SLC16A7: variants seen among roughly 807,000 people sequenced by gnomAD.
SLC16A7 encodes the protein monocarboxylate transporter 2.
Under a neutral mutation model 34.9 loss-of-function variants are expected in SLC16A7, and 33 were observed. The observed-to-expected ratio is 0.94, with a 90% CI of 0.72 to 1.26. The LOEUF (loss-of-function observed/expected upper bound fraction) is 1.26. Among genes scored for constraint, SLC16A7 ranks in the 50% most tolerant of loss-of-function variants. SLC16A7 has a pLI of 0.00. For synonymous variants in SLC16A7, 201 were observed against 206.6 expected, an observed-to-expected ratio of 0.97 and a Z score of 0.23; for missense variants, 573 against 578.1, an observed-to-expected ratio of 0.99 and a Z score of 0.09.
chr12:59,634,512 TG>T (rs370162096), intron 1 of SLC16A7, among the ~76,000 whole-genome samples: 79 of 151,982 alleles, frequency 5.2e-4, no homozygotes, highest in African/African-American at 1.8e-3. Flanking sequence ...GAGGAAACTT[TG>T]GGGATAAGGG....
chr12:59,649,440 G>C (rs1868303614), intron 1 of SLC16A7, among the ~76,000 whole-genome samples: 1 of 152,162 alleles, frequency 6.6e-6, no homozygotes, highest in Non-Finnish European at 1.5e-5. Context: ...CAGAGCTTTG[G>C]TTTAAAGGTG....
chr12:59,779,306 C>CTTAT, intron 5 of SLC16A7, 117 bp from the exon 6 acceptor site: 1 of 791,650 alleles, frequency 1.3e-6, no homozygotes, highest in Non-Finnish European at 1.9e-6. Context: ...TTTTTAAAGT[C>CTTAT]TTATTTGACA....
At chr12:59,728,402 T>C (rs999575689) in intron 3 of SLC16A7, among the ~76,000 whole-genome samples, 1 of 152,232 alleles carries the variant, frequency 6.6e-6, no homozygotes, top group Non-Finnish European at 1.5e-5. Context: ...AATTTGCAGA[T>C]AAATGATAAT....
intron 2 of SLC16A7, among the ~76,000 whole-genome samples, chr12:59,699,309 A>G (rs971111493): frequency 6.6e-6 from 1 of 151,712 alleles, no homozygotes; most frequent in Admixed American, 6.6e-5. Flanking sequence ...AAAATAAAAG[A>G]ACTGATATTT....
intron 1 of SLC16A7, among the ~76,000 whole-genome samples, chr12:59,644,817 G>A (rs1344664015): frequency 6.6e-6 from 1 of 152,118 alleles, no homozygotes; most frequent in Non-Finnish European, 1.5e-5. Flanking sequence ...TTTCCTGACA[G>A]TTGGAGACAT....
At chr12:59,681,083 G>A (rs761256884) in intron 2 of SLC16A7, among the ~76,000 whole-genome samples, 1 of 152,164 alleles carries the variant, frequency 6.6e-6, no homozygotes, top group Admixed American at 6.5e-5. Flanking sequence ...TGAGGTGCAG[G>A]CACCAATGGA....
chr12:59,629,807 C>G (rs1880097849), intron 1 of SLC16A7, among the ~76,000 whole-genome samples: 1 of 151,748 alleles, frequency 6.6e-6, no homozygotes, highest in Non-Finnish European at 1.5e-5. Flanking sequence ...AACTCAGAGT[C>G]CACCCTTTCT....
At chr12:59,600,227 T>G (rs189055623) in intron 1 of SLC16A7, among the ~76,000 whole-genome samples, 6 of 152,382 alleles carry the variant, frequency 3.9e-5, no homozygotes, top group Admixed American at 2.6e-4. Context: ...CTTTATGTTT[T>G]TTAGTTTATC....
intron 3 of SLC16A7, among the ~76,000 whole-genome samples, chr12:59,731,088 C>T (rs1215026770): frequency 6.6e-6 from 1 of 151,900 alleles, no homozygotes; most frequent in Non-Finnish European, 1.5e-5. Flanking sequence ...ATTCCTTTTA[C>T]CTAATAAATG....
At chr12:59,728,855 CT>C (rs985916390) in intron 3 of SLC16A7, among the ~76,000 whole-genome samples, 24 of 152,288 alleles carry the variant, frequency 1.6e-4, no homozygotes, top group African/African-American at 5.8e-4. Flanking sequence ...TTGTAGCGTA[CT>C]TTTTTTCCTA....
intron 1 of SLC16A7, among the ~76,000 whole-genome samples, chr12:59,640,429 C>G (rs1273476012): frequency 3.3e-5 from 5 of 151,452 alleles, no homozygotes; most frequent in Admixed American, 3.3e-4. Flanking sequence ...ACTTTATGCC[C>G]CCCCAGAGAA....
intron 1 of SLC16A7, among the ~76,000 whole-genome samples, chr12:59,640,758 C>T (rs1405000331): frequency 1.3e-5 from 2 of 151,706 alleles, no homozygotes; most frequent in Non-Finnish European, 2.9e-5. Context: ...CTGAAAATAC[C>T]CATCCTTCAT....
intron 1 of SLC16A7, among the ~76,000 whole-genome samples, chr12:59,654,752 A>G (rs1266591211): frequency 6.6e-6 from 1 of 151,850 alleles, no homozygotes. Context: ...GGAGAGAAAC[A>G]TCACTCAAAA....
At chr12:59,710,744 T>C (rs1339781106) in intron 3 of SLC16A7, among the ~76,000 whole-genome samples, 1 of 152,200 alleles carries the variant, frequency 6.6e-6, no homozygotes, top group African/African-American at 2.4e-5. Context: ...AAATATGTTA[T>C]TATATCATTA....
At chr12:59,683,575 C>G (rs78336974) in intron 2 of SLC16A7, among the ~76,000 whole-genome samples, 10 of 152,066 alleles carry the variant, frequency 6.6e-5, no homozygotes, top group African/African-American at 2.2e-4. Context: ...AGGAACTGTT[C>G]CTACAATGTA....
intron 3 of SLC16A7, among the ~76,000 whole-genome samples, chr12:59,726,721 G>C (rs1289615953): frequency 6.6e-6 from 1 of 152,062 alleles, no homozygotes; most frequent in East Asian, 1.9e-4. Context: ...AGAGATGCTG[G>C]CTGTGGTGTT....
chr12:59,666,685 C>T (rs543372206), intron 2 of SLC16A7, among the ~76,000 whole-genome samples: 1 of 152,270 alleles, frequency 6.6e-6, no homozygotes, highest in African/African-American at 2.4e-5. Flanking sequence ...TCTCCTTTGC[C>T]TTCCACCATG....
chr12:59,610,778 T>G (rs916978396), intron 1 of SLC16A7, among the ~76,000 whole-genome samples: 3 of 152,358 alleles, frequency 2.0e-5, no homozygotes, highest in African/African-American at 7.2e-5. Context: ...TTAATAGTAA[T>G]ACACTGTTCT....
At chr12:59,639,338 G>A (rs1407230461) in intron 1 of SLC16A7, among the ~76,000 whole-genome samples, 5 of 152,108 alleles carry the variant, frequency 3.3e-5, no homozygotes, top group Non-Finnish European at 7.4e-5. Context: ...AAGTCATGCT[G>A]TATAACCAAA....
Sources: gnomAD v4.1 joint callset for allele counts (sites outside exome capture counted in the v4.1 genomes callset) on GRCh38, gnomAD v4.1.1 for gene constraint, MANE v1.5 for transcripts, NCBI Gene and HGNC (gene_info 2026-07-23, HGNC 2026-07-21) for gene names.